Variants in GXYLT1 observed in about 807,000 individuals in gnomAD.
GXYLT1 encodes glucoside xylosyltransferase 1.
In GXYLT1, 29 loss-of-function variants were observed where a neutral mutation model predicts 54.0. The ratio of observed to expected loss-of-function variants is 0.54; its 90% confidence interval spans 0.40 to 0.73. The LOEUF is 0.73. Among genes scored for constraint, GXYLT1 ranks in the 30% least tolerant of loss-of-function variants. The pLI is 0.00. For missense variants in GXYLT1, 490 were observed against 553.4 expected (o/e 0.89, Z 1.15); for synonymous variants, 176 against 204.1 (o/e 0.86, Z 1.17).
At chr12:42,142,080 G>T (rs1043938808) in intron 1 of GXYLT1, among the ~76,000 whole-genome samples, 24 of 152,142 alleles carry the variant, frequency 1.6e-4, no homozygotes, top group Non-Finnish European at 4.4e-5. Context: ...TATCAAAAAA[G>T]GCAAAAATGC....
intron 3 of GXYLT1, among the ~76,000 whole-genome samples, chr12:42,118,761 C>G (rs543315353): frequency 6.6e-6 from 1 of 152,296 alleles, no homozygotes; most frequent in South Asian, 2.1e-4. Flanking sequence ...CTCTTTCTCT[C>G]TCTTCTGCTG....
rs537895418 is a variant in GXYLT1, at chr12:42,111,334, C to T, written c.487-1643G>A. On this transcript the variant is annotated intron_variant, in intron 3 of 7. Coordinates refer to ENST00000398675, the MANE Select transcript of GXYLT1 (RefSeq NM_173601.2). ...CGCGAGCCGAACCGGGGCGAGGCATCGCCTCACCCGGGAAGAGCAAGGGGT... is the reference window on the plus strand; with the variant it reads ...CGCGAGCCGAACCGGGGCGAGGCATTGCCTCACCCGGGAAGAGCAAGGGGT... 3.9e-5 allele frequency among the ~76,000 whole-genome samples: 6 copies of T among 152,330 alleles called. No individual in the cohort carries two copies. In the South Asian group the frequency reaches 6.2e-4, roughly 16 times the overall value.
intron 5 of GXYLT1, among the ~76,000 whole-genome samples, chr12:42,103,581 T>C (rs74078160): frequency 0.024 from 3,710 of 152,236 alleles, 151 homozygotes; most frequent in African/African-American, 0.085. Flanking sequence ...AATAAAAATA[T>C]ATGAGAAAAG....
intron 5 of GXYLT1, among the ~76,000 whole-genome samples, chr12:42,102,919 T>C (rs1408739813): frequency 6.6e-6 from 1 of 151,946 alleles, no homozygotes; most frequent in Non-Finnish European, 1.5e-5. Flanking sequence ...AATTATTTCA[T>C]TAAATTAAAT....
rs187218959 is a variant in GXYLT1, at chr12:42,089,477, A to G, written c.1162-1530T>C. ...GTTGTGCATATGTACCCTAGAACTT[A>G]AAGTATAATAAAATATATATACATA... On this transcript the variant is annotated intron_variant, in intron 7 of 7. Coordinates refer to ENST00000398675, the MANE Select transcript of GXYLT1 (RefSeq NM_173601.2). Among the ~76,000 whole-genome samples the G allele has an allele frequency of 2.4e-4, 36 of 152,320 alleles. 1 individual carries two copies. The highest frequency in any genetic ancestry group is 6.2e-4 in the South Asian group (3 of 4,826).
At chr12:42,117,157 T>C (rs2065501006) in intron 3 of GXYLT1, among the ~76,000 whole-genome samples, 1 of 151,352 alleles carries the variant, frequency 6.6e-6, no homozygotes, top group African/African-American at 2.4e-5. Context: ...AGGGATAGCA[T>C]TAGGAGACAT....
chr12:42,115,170 T>C (rs1313955011), intron 3 of GXYLT1, among the ~76,000 whole-genome samples: 4 of 152,152 alleles, frequency 2.6e-5, no homozygotes, highest in Non-Finnish European at 4.4e-5. Context: ...CCACAGCTAA[T>C]ATCATACTGA....
intron 5 of GXYLT1, among the ~76,000 whole-genome samples, chr12:42,098,919 A>G (rs1397703232): frequency 1.3e-5 from 2 of 151,922 alleles, no homozygotes; most frequent in African/African-American, 4.8e-5. Flanking sequence ...AGAAAACGCA[A>G]GCAAAGAATT....
At position 42,097,301 on chromosome 12, in the gene GXYLT1, G is replaced by A. The variant is rs75926248; in HGVS notation, c.1161+141C>T. 7.4e-3 allele frequency: 3,824 copies of A among 515,174 alleles called. 130 individuals carry two copies. In the East Asian group the frequency reaches 0.077, roughly 10 times the overall value. 31.9% of individuals were successfully genotyped at this position (515,174 alleles called of 1,614,324 possible). A position where few individuals can be genotyped will look rare whatever the true frequency, so the allele number is the denominator to read the frequency against. On this transcript the variant is annotated intron_variant, in intron 7 of 7. Coordinates refer to ENST00000398675, the MANE Select transcript of GXYLT1 (RefSeq NM_173601.2). The stretch of plus-strand genomic sequence containing the variant: ...AAAAAAATGTAGAGAGAAAACCAAC[G>A]ACAAAGCAAATAAGGCAAAATGTTA...
At chr12:42,136,881 C>T (rs1457948807) in intron 1 of GXYLT1, among the ~76,000 whole-genome samples, 1 of 152,038 alleles carries the variant, frequency 6.6e-6, no homozygotes, top group African/African-American at 2.4e-5. Context: ...TCAAGCAATC[C>T]TCCCACCTCA....
intron 1 of GXYLT1, among the ~76,000 whole-genome samples, chr12:42,140,542 G>A (rs1354773110): frequency 6.7e-6 from 1 of 149,070 alleles, no homozygotes; most frequent in Non-Finnish European, 1.5e-5. Flanking sequence ...TGTTCTCTCT[G>A]ATGACGAAAA....
chr12:42,099,865 T>C (rs2065379589), intron 5 of GXYLT1, among the ~76,000 whole-genome samples: 1 of 152,112 alleles, frequency 6.6e-6, no homozygotes. Flanking sequence ...AAAAAAAAGT[T>C]ATGGTAATAT....
At chr12:42,139,515 T>C (rs569192359) in intron 1 of GXYLT1, among the ~76,000 whole-genome samples, 15 of 152,166 alleles carry the variant, frequency 9.9e-5, no homozygotes, top group Non-Finnish European at 2.2e-4. Flanking sequence ...TTCTACCATG[T>C]GAGAACACAG....
chr12:42,124,430 A>G lies in GXYLT1; in HGVS notation c.315-5259T>C, dbSNP rs2065548951. 2.6e-5 allele frequency among the ~76,000 whole-genome samples: 4 copies of G among 152,154 alleles called. No homozygotes were observed. In the South Asian group the frequency reaches 8.3e-4, roughly 31 times the overall value. ...TTTGCAATCAATGGCAAAACCGAAC[A>G]TATTATTCTAAGAGTTCATAAAATA... On this transcript the variant is annotated intron_variant, in intron 2 of 7. Transcript: ENST00000398675.
chr12:42,140,579 G>C (rs2065646867), intron 1 of GXYLT1, among the ~76,000 whole-genome samples: 1 of 134,296 alleles, frequency 7.4e-6, no homozygotes, highest in African/African-American at 2.7e-5. Flanking sequence ...ACAGTAAGTG[G>C]CAAAGCTGAA....
chr12:42,144,277 G>A, intron 1 of GXYLT1, 149 bp downstream of exon 1: 1 of 410,106 alleles, frequency 2.4e-6, no homozygotes, highest in Non-Finnish European at 4.0e-6. Context: ...GCCCCGGCCG[G>A]AGGGGAAGGA....
In GXYLT1 at chr12:42,083,022, T is replaced by C. The variant is rs1384460912; in HGVS notation, c.*4764A>G. On this transcript the variant is annotated 3_prime_UTR_variant, in exon 8 of 8. Transcript: ENST00000398675. Reference sequence around the variant, plus strand: ...TTTTTCCTATCTTTTCAAAGTCCCATTAAACATCTGAAATTATTGGTAGAA... The same window carrying C: ...TTTTTCCTATCTTTTCAAAGTCCCACTAAACATCTGAAATTATTGGTAGAA... The C allele has an allele frequency of 6.6e-6, 1 of 152,216 alleles. No individual in the cohort carries two copies. The highest frequency in any genetic ancestry group is 1.5e-5 in the Non-Finnish European group (1 of 68,032). The allele number at this position is 152,216 out of a possible 1,614,324, so 9.4% of individuals were successfully genotyped here.
chr12:42,136,268 A>C (rs1256631299), intron 1 of GXYLT1, among the ~76,000 whole-genome samples: 1 of 152,218 alleles, frequency 6.6e-6, no homozygotes. Context: ...CAAAAAGAAA[A>C]ATTAAAGTTT....
intron 1 of GXYLT1, among the ~76,000 whole-genome samples, chr12:42,134,913 T>C (rs2065611229): frequency 6.6e-6 from 1 of 152,200 alleles, no homozygotes; most frequent in African/African-American, 2.4e-5. Flanking sequence ...TCAATTAGTC[T>C]TTCTTTCTCC....
Sources: gnomAD v4.1 joint callset for allele counts (sites outside exome capture counted in the v4.1 genomes callset) on GRCh38, gnomAD v4.1.1 for gene constraint, MANE v1.5 for transcripts, NCBI Gene and HGNC (gene_info 2026-07-23, HGNC 2026-07-21) for gene names.